The following OR51E1 variants were observed in gnomAD, a reference collection of about 807,000 sequenced individuals.
OR51E1 encodes the protein olfactory receptor 51E1.
A neutral mutation model predicts 11.5 loss-of-function variants in OR51E1; 9 were observed. The observed-to-expected ratio is 0.78, with a 90% confidence interval of 0.47 to 1.37. The LOEUF (loss-of-function observed/expected upper bound fraction) is 1.37. Among genes scored for constraint, OR51E1 ranks in the 40% most tolerant of loss-of-function variants. The pLI, the probability that OR51E1 is intolerant of heterozygous loss-of-function variation, is 0.00. For synonymous variants in OR51E1, 168 were observed against 158.3 expected, an observed-to-expected ratio of 1.06 and a Z score of -0.46; for missense variants, 397 against 410.2, an observed-to-expected ratio of 0.97 and a Z score of 0.28.
chr11:4,652,802 C>T lies in OR51E1; in HGVS notation c.276C>T (p.Ser92=). The change falls in exon 2 of 2, where the codon TCC becomes TCT. Residue 92 remains serine, a synonymous_variant. Transcript: ENST00000396952. The part of the protein sequence containing the change: ...PKMLAIFWFN[S]TTIQFDACLL... ...TGCTGGCCATCTTCTGGTTCAATTC[C>T]ACTACCATCCAGTTTGATGCTTGTC... 2.5e-6 allele frequency: 4 copies of T among 1,614,198 alleles called. No homozygotes were observed. Among genetic ancestry groups the T allele is most frequent in the Non-Finnish European group, 2.5e-6 (3 of 1,180,038 alleles).
rs140651405 is a variant in OR51E1 at position 4,645,563 on chromosome 11, G to A, written c.-40+1533G>A. On this transcript the variant is annotated intron_variant, in intron 1 of 1. Transcript: ENST00000396952. ...CTGGTACTCAGTGGAGTCTGGCACA[G>A]AAGTCCGTCAATGATTATTGAAAAA... Among the ~76,000 whole-genome samples the A allele has an allele frequency of 5.6e-3, 847 of 152,334 alleles. 13 individuals are homozygous for A. The highest frequency in any genetic ancestry group is 0.018 in the African/African-American group (744 of 41,572).
intron 1 of OR51E1, among the ~76,000 whole-genome samples, chr11:4,644,428 T>A (rs1387289778): frequency 1.3e-5 from 2 of 151,946 alleles, no homozygotes; most frequent in Non-Finnish European, 2.9e-5. Context: ...AAGCTCAGTC[T>A]ATGACTGGGG....
Position 4,653,493 on chromosome 11 carries a change from A to T in OR51E1, c.*10A>T, listed in dbSNP as rs1440986564. ...CGCTTCAGAGCCCTAGGTGTCAGTG[A>T]TCAAACTTCTTTTCCATTCAGAGTC... On this transcript the variant is annotated 3_prime_UTR_variant, in exon 2 of 2. Coordinates refer to ENST00000396952, the MANE Select transcript of OR51E1 (RefSeq NM_152430.4). The T allele has an allele frequency of 1.3e-6, 2 of 1,509,230 alleles. No individual in the cohort carries two copies. The highest frequency in any genetic ancestry group is 1.8e-5 in the Admixed American group (1 of 54,782). 93.5% of individuals were successfully genotyped at this position (1,509,230 alleles called of 1,614,324 possible).
chr11:4,644,467 G>T (rs900900672), intron 1 of OR51E1, among the ~76,000 whole-genome samples: 1 of 152,010 alleles, frequency 6.6e-6, no homozygotes, highest in Non-Finnish European at 1.5e-5. Flanking sequence ...TGGAAGTGGG[G>T]CTCTGAGTGA....
rs1211672886 is a variant in OR51E1 at position 4,654,362 on chromosome 11, A to G, written c.*879A>G. On this transcript the variant is annotated 3_prime_UTR_variant, in exon 2 of 2. Coordinates refer to ENST00000396952, the MANE Select transcript of OR51E1 (RefSeq NM_152430.4). ...TTTCTTCTCACTCATCCAGTGTTGTATTTAGGAATTTCCTGGCAACAGAAC... is the reference window on the plus strand; with the variant it reads ...TTTCTTCTCACTCATCCAGTGTTGTGTTTAGGAATTTCCTGGCAACAGAAC... 2 of 167,060 alleles carry G rather than the reference A, an allele frequency of 1.2e-5. No individual in the cohort carries two copies. The highest frequency in any genetic ancestry group is 1.3e-4 in the Admixed American group (2 of 15,290). 10.3% of individuals were successfully genotyped at this position (167,060 alleles called of 1,614,324 possible). A position where few individuals can be genotyped will look rare whatever the true frequency, so the allele number is the denominator to read the frequency against.
rs770188514 is a variant in OR51E1, at chr11:4,652,685, G to C, written c.159G>C (p.Arg53=). 18 of 1,614,074 alleles carry C rather than the reference G, an allele frequency of 1.1e-5. No individual in the cohort carries two copies. In the East Asian group the frequency reaches 3.6e-4, roughly 32 times the overall value. ...ACTTGACAATCATCTACATTGTGCG[G>C]ACTGAGCACAGCCTGCATGAGCCCA... ...LGNLTIIYIV[R]TEHSLHEPMY... The change falls in exon 2 of 2, where the codon CGG becomes CGC. Residue 53 remains arginine, a synonymous_variant. Transcript: ENST00000396952.
chr11:4,647,047 C>G (rs1161103255), intron 1 of OR51E1, among the ~76,000 whole-genome samples: 1 of 152,076 alleles, frequency 6.6e-6, no homozygotes, highest in Non-Finnish European at 1.5e-5. Flanking sequence ...TGACTTTGGC[C>G]CCTTTGCCTG....
intron 1 of OR51E1, 56 bp downstream of exon 1, chr11:4,644,086 G>C (rs1564875444): frequency 6.5e-6 from 1 of 152,904 alleles, no homozygotes; most frequent in Non-Finnish European, 1.5e-5. Flanking sequence ...GCAGCTAGGG[G>C]TCTCCTGTTA....
At position 4,653,025 on chromosome 11, in the gene OR51E1, A is replaced by G. The variant is rs61883652; in HGVS notation, c.499A>G (p.Lys167Glu). ...GATGGCACCCCTTCCTGTCTTCATCAAGCAGCTGCCCTTCTGCCGCTCCAA... is the reference window on the plus strand; with the variant it reads ...GATGGCACCCCTTCCTGTCTTCATCGAGCAGCTGCCCTTCTGCCGCTCCAA... ...ALMAPLPVFI[K>E]QLPFCRSNIL... The change falls in exon 2 of 2, where the codon AAG becomes GAG. Residue 167 changes from lysine (K) to glutamate (E), a missense_variant. Physicochemically the swap from Lys to Glu is moderately conservative, Grantham distance 56 (BLOSUM62 1). Transcript: ENST00000396952. 1.2e-6 allele frequency: 2 copies of G among 1,609,480 alleles called. No individual in the cohort carries two copies. Among genetic ancestry groups the G allele is most frequent in the Non-Finnish European group, 1.7e-6 (2 of 1,177,330 alleles).
intron 1 of OR51E1, among the ~76,000 whole-genome samples, chr11:4,645,056 AGG>A (rs1847011867): frequency 6.6e-6 from 1 of 152,038 alleles, no homozygotes; most frequent in Admixed American, 6.6e-5. Context: ...TCCTTAAGAG[AGG>A]CTTTTTCTGA....
intron 1 of OR51E1, among the ~76,000 whole-genome samples, chr11:4,648,258 C>A (rs1847052694): frequency 6.6e-6 from 1 of 152,184 alleles, no homozygotes; most frequent in African/African-American, 2.4e-5. Context: ...CCCAGTCTTG[C>A]TATTGTGAGA....
At position 4,653,052 on chromosome 11, in the gene OR51E1, A is replaced by G. The variant is rs61746313; in HGVS notation, c.526A>G (p.Ile176Val). The change falls in exon 2 of 2, where the codon ATC becomes GTC. Residue 176 changes from isoleucine to valine, a missense_variant. Physicochemically the swap from Ile to Val is conservative, Grantham distance 29 (BLOSUM62 3). Coordinates refer to ENST00000396952, the MANE Select transcript of OR51E1 (RefSeq NM_152430.4). Reference sequence around the variant, plus strand: ...GCAGCTGCCCTTCTGCCGCTCCAATATCCTTTCCCATTCCTACTGCCTACA... The same window carrying G: ...GCAGCTGCCCTTCTGCCGCTCCAATGTCCTTTCCCATTCCTACTGCCTACA... Reference protein sequence around the residue: ...IKQLPFCRSNILSHSYCLHQD... With the variant: ...IKQLPFCRSNVLSHSYCLHQD... The G allele has an allele frequency of 5.0e-3, 8,103 of 1,613,528 alleles. 191 individuals are homozygous for G. The South Asian group carries it at 0.052, about 10-fold the overall frequency.
Position 4,655,127 on chromosome 11 carries a change from C to T in OR51E1, c.*1644C>T, listed in dbSNP as rs1327970104. Reference sequence around the variant, plus strand: ...TGCCTAGAACATAATAGTGCTTATGCTTGACACCGGTTATTTTTCATCAAA... The same window carrying T: ...TGCCTAGAACATAATAGTGCTTATGTTTGACACCGGTTATTTTTCATCAAA... On this transcript the variant is annotated 3_prime_UTR_variant, in exon 2 of 2. Coordinates refer to ENST00000396952, the MANE Select transcript of OR51E1 (RefSeq NM_152430.4). The T allele has an allele frequency of 1.2e-5, 2 of 167,106 alleles. No homozygotes were observed. The highest frequency in any genetic ancestry group is 4.8e-5 in the African/African-American group (2 of 41,446). The allele number at this position is 167,106 out of a possible 1,614,324, so 10.4% of individuals were successfully genotyped here. A position where few individuals can be genotyped will look rare whatever the true frequency, so the allele number is the denominator to read the frequency against.
intron 1 of OR51E1, among the ~76,000 whole-genome samples, chr11:4,648,965 A>T (rs1208380901): frequency 6.6e-6 from 1 of 152,174 alleles, no homozygotes; most frequent in African/African-American, 2.4e-5. Context: ...CTGACCTTCC[A>T]AACATCATCT....
At position 4,652,602 on chromosome 11, in the gene OR51E1, G is replaced by A. The variant is rs142883708; in HGVS notation, c.76G>A (p.Ala26Thr). ...AATAGGCCTCCCTGGTTTAGAAGAG[G>A]CTCAGTTCTGGTTGGCCTTCCCATT... ...ILIGLPGLEE[A>T]QFWLAFPLCS... Residue 26 changes from alanine (A) to threonine (T), a missense_variant, in exon 2 of 2, where the codon GCT (alanine) becomes ACT (threonine). Ala to Thr is a moderately conservative substitution (Grantham distance 58). Transcript: ENST00000396952. The A allele has an allele frequency of 3.1e-6, 5 of 1,614,098 alleles. No homozygotes were observed. The East Asian group carries it at 1.1e-4, about 36-fold the overall frequency.
intron 1 of OR51E1, among the ~76,000 whole-genome samples, chr11:4,645,251 A>G (rs1218871784): frequency 1.3e-5 from 2 of 152,046 alleles, no homozygotes; most frequent in Non-Finnish European, 2.9e-5. Flanking sequence ...CCAGTTTTTG[A>G]CACTCAATAT....
chr11:4,653,106 G>T lies in OR51E1; in HGVS notation c.580G>T (p.Asp194Tyr). The T allele has an allele frequency of 1.9e-6, 3 of 1,613,914 alleles. No homozygotes were observed. The highest frequency in any genetic ancestry group is 2.5e-6 in the Non-Finnish European group (3 of 1,179,842). The change falls in exon 2 of 2, where the codon GAT (aspartate) becomes TAT (tyrosine). Residue 194 changes from aspartate to tyrosine, a missense_variant. Transcript: ENST00000396952. The part of the protein sequence containing the change: ...HQDVMKLACD[D>Y]IRVNVVYGLI... ...AGATGTCATGAAGCTGGCCTGTGAT[G>T]ATATCCGGGTCAATGTCGTCTATGG...
intron 1 of OR51E1, among the ~76,000 whole-genome samples, chr11:4,649,873 A>G (rs1175291897): frequency 6.6e-6 from 1 of 152,200 alleles, no homozygotes; most frequent in African/African-American, 2.4e-5. Flanking sequence ...CTGACCCCCT[A>G]TTAGCCAGGG....
intron 1 of OR51E1, among the ~76,000 whole-genome samples, chr11:4,647,995 G>A (rs937549220): frequency 6.6e-6 from 1 of 152,198 alleles, no homozygotes; most frequent in Admixed American, 6.5e-5. Flanking sequence ...AAGTCATCTG[G>A]TCACTCTGCC....
Sources: allele counts gnomAD v4.1 joint callset (sites outside exome capture counted in the v4.1 genomes callset), GRCh38; gene constraint gnomAD v4.1.1; transcripts MANE v1.5; gene names NCBI Gene and HGNC (gene_info 2026-07-23, HGNC 2026-07-21).